The following RBFOX1 variants were observed in gnomAD, a reference collection of about 807,000 sequenced individuals.
The protein encoded by RBFOX1 is RNA binding protein fox-1 homolog 1.
A neutral mutation model predicts 57.7 loss-of-function variants in RBFOX1; 8 were observed. That is an observed-to-expected ratio of 0.14 (90% CI 0.08 to 0.25). The LOEUF is 0.25. Among genes scored for constraint, RBFOX1 ranks in the 10% least tolerant of loss-of-function variants. The pLI is 1.00. For synonymous variants in RBFOX1, 326 were observed against 222.4 expected, an observed-to-expected ratio of 1.47 and a Z score of -4.15; for missense variants, 611 against 548.5, an observed-to-expected ratio of 1.11 and a Z score of -1.14.
intron 3 of RBFOX1, among the ~76,000 whole-genome samples, chr16:5,825,586 C>G (rs914520027): frequency 1.3e-5 from 2 of 152,110 alleles, no homozygotes; most frequent in African/African-American, 4.8e-5. Context: ...TAAAAGTTAT[C>G]ATATGAACCA....
chr16:5,346,126 C>G (rs1285188401), intron 1 of RBFOX1, among the ~76,000 whole-genome samples: 1 of 152,204 alleles, frequency 6.6e-6, no homozygotes, highest in African/African-American at 2.4e-5. Flanking sequence ...GTATGGCAGC[C>G]TGCATCACCT....
At chr16:7,485,029 G>T (rs952092257) in intron 4 of RBFOX1, among the ~76,000 whole-genome samples, 4 of 149,610 alleles carry the variant, frequency 2.7e-5, no homozygotes, top group Non-Finnish European at 4.4e-5. Flanking sequence ...ATCAAAATTT[G>T]TATGCAGGGT....
chr16:7,402,321 A>C (rs2098258497), intron 4 of RBFOX1, among the ~76,000 whole-genome samples: 1 of 152,194 alleles, frequency 6.6e-6, no homozygotes, highest in Non-Finnish European at 1.5e-5. Flanking sequence ...TTTGAAGTGA[A>C]AAGTAGTAAG....
chr16:7,392,854 GGTTTGTTTGTTTGTTT>G (rs71391628), intron 4 of RBFOX1, among the ~76,000 whole-genome samples: 22 of 123,080 alleles, frequency 1.8e-4, no homozygotes, highest in African/African-American at 3.3e-4. Context: ...GGTTTGGTTT[GGTTTGTTTGTTTGTTT>G]GTTTGTTTGT....
intron 14 of RBFOX1, 101 bp downstream of exon 14, chr16:7,676,939 G>A: frequency 4.9e-6 from 6 of 1,219,674 alleles, no homozygotes; most frequent in East Asian, 2.4e-5. Flanking sequence ...CATGACTGCT[G>A]GGGGAGGTAG....
chr16:7,102,220 G>A (rs910123763), intron 4 of RBFOX1, among the ~76,000 whole-genome samples: 4 of 152,104 alleles, frequency 2.6e-5, no homozygotes, highest in Admixed American at 6.6e-5. Context: ...GAGGAAATTC[G>A]GGCTGGAGAA....
intron 4 of RBFOX1, among the ~76,000 whole-genome samples, chr16:7,187,102 A>G (rs1415149054): frequency 6.6e-6 from 1 of 151,726 alleles, no homozygotes; most frequent in African/African-American, 2.4e-5. Flanking sequence ...TCATGAGGTC[A>G]GGGCTGCAGT....
At chr16:5,518,953 A>T (rs1006700720) in intron 2 of RBFOX1, among the ~76,000 whole-genome samples, 2 of 152,086 alleles carry the variant, frequency 1.3e-5, no homozygotes, top group African/African-American at 2.4e-5. Flanking sequence ...ACCTTTAAAG[A>T]GGTAACTAAG....
intron 5 of RBFOX1, among the ~76,000 whole-genome samples, chr16:7,560,750 CATA>C (rs2090138545): frequency 6.6e-6 from 1 of 152,078 alleles, no homozygotes; most frequent in Non-Finnish European, 1.5e-5. Context: ...CCACAAATGA[CATA>C]ATTAGATGAG....
At chr16:5,448,821 ATT>A in intron 1 of RBFOX1, among the ~76,000 whole-genome samples, 1 of 152,330 alleles carries the variant, frequency 6.6e-6, no homozygotes, top group East Asian at 1.9e-4. Context: ...TCTGGGATAC[ATT>A]TAGGAGGAAA....
At chr16:6,932,925 C>G (rs929051082) in intron 3 of RBFOX1, among the ~76,000 whole-genome samples, 5 of 152,196 alleles carry the variant, frequency 3.3e-5, no homozygotes, top group African/African-American at 4.8e-5. Context: ...CCCCTGGCAA[C>G]TACTATTCTC....
In RBFOX1 at chr16:7,273,072, TTCCA is replaced by T. The variant is rs375507674; in HGVS notation, c.27+220978_27+220981del. 1.2e-3 allele frequency among the ~76,000 whole-genome samples: 136 copies of T among 109,558 alleles called. 8 individuals carry two copies. The highest frequency in any genetic ancestry group is 5.0e-3 in the African/African-American group (132 of 26,356). The allele number at this position is 109,558 out of a possible 152,430, so 71.9% of individuals were successfully genotyped here. A position where few individuals can be genotyped will look rare whatever the true frequency, so the allele number is the denominator to read the frequency against. On this transcript the variant is annotated intron_variant, in intron 4 of 15. Coordinates refer to ENST00000550418, the MANE Select transcript of RBFOX1 (RefSeq NM_018723.4). ...CTTCCCTCCCTCCTTCCCTCCCTCC[TTCCA>T]TCCTTCCGCTCTCCCTCCCTCCCTT...
intron 3 of RBFOX1, among the ~76,000 whole-genome samples, chr16:6,665,194 A>G (rs1439604467): frequency 2.0e-5 from 3 of 152,144 alleles, no homozygotes; most frequent in Non-Finnish European, 4.4e-5. Context: ...GTGGCTTAGT[A>G]AAGTTCCTGG....
At chr16:6,780,251 AT>A (rs1340138620) in intron 3 of RBFOX1, among the ~76,000 whole-genome samples, 1 of 86,180 alleles carries the variant, frequency 1.2e-5, no homozygotes, top group Non-Finnish European at 1.9e-5. Flanking sequence ...TTACATATAT[AT>A]TTATATATAT....
downstream of RBFOX1, among the ~76,000 whole-genome samples, chr16:5,603,680 A>T (rs890456103): frequency 6.6e-6 from 1 of 152,164 alleles, no homozygotes; most frequent in African/African-American, 2.4e-5. Flanking sequence ...TAGATGCCAG[A>T]TGAAGTGATT....
chr16:6,659,260 C>T (rs1219622694), intron 3 of RBFOX1, among the ~76,000 whole-genome samples: 2 of 152,078 alleles, frequency 1.3e-5, no homozygotes, highest in African/African-American at 4.8e-5. Flanking sequence ...ACAGACAGGG[C>T]TTCCTCTTCT....
chr16:5,599,475 A>G, exon 3 of RBFOX1: 1 of 509,522 alleles, frequency 2.0e-6, no homozygotes, highest in Non-Finnish European at 3.4e-6. Flanking sequence ...ACCCACGAAT[A>G]ACAGTGGCCA....
intron 4 of RBFOX1, among the ~76,000 whole-genome samples, chr16:7,495,209 A>T (rs1189866362): frequency 2.0e-5 from 3 of 152,044 alleles, no homozygotes; most frequent in Non-Finnish European, 4.4e-5. Flanking sequence ...TTCTTTATCC[A>T]GTCCACCGCT....
intron 2 of RBFOX1, among the ~76,000 whole-genome samples, chr16:6,461,041 G>A (rs1383519064): frequency 2.0e-5 from 3 of 152,062 alleles, no homozygotes; most frequent in Non-Finnish European, 1.5e-5. Context: ...CTTATAAGTG[G>A]GAGCTGAACA....
Sources: gnomAD v4.1 joint callset for allele counts (sites outside exome capture counted in the v4.1 genomes callset) on GRCh38, gnomAD v4.1.1 for gene constraint, MANE v1.5 for transcripts, NCBI Gene and HGNC (gene_info 2026-07-23, HGNC 2026-07-21) for gene names.